The following PLXNB2 variants were observed in gnomAD, a reference collection of about 807,000 sequenced individuals.
The protein encoded by PLXNB2 is plexin-B2.
Under a neutral mutation model 202.6 loss-of-function variants are expected in PLXNB2, and 85 were observed. The observed-to-expected ratio is 0.42, with a 90% CI of 0.35 to 0.50. The LOEUF (loss-of-function observed/expected upper bound fraction) is 0.50. Ranked by LOEUF, PLXNB2 falls within the 20% of genes least tolerant of loss-of-function variation. The probability of loss-of-function intolerance (pLI) is 0.02; values close to 1 mark genes in which losing one functional copy is unlikely to be tolerated. For missense variants in PLXNB2, 2,063 were observed against 2,586.2 expected (o/e 0.80, Z 4.39); for synonymous variants, 1,239 against 1,137.6 (o/e 1.09, Z -1.79).
chr22:50,276,775 C>T, intron 34 of PLXNB2, 67 bp downstream of exon 34: 2 of 1,598,604 alleles, frequency 1.3e-6, no homozygotes, highest in Non-Finnish European at 1.7e-6. Flanking sequence ...GAAACCAAGG[C>T]CTGAACCTCC....
chr22:50,289,407 G>A lies in PLXNB2; in HGVS notation c.1068+110C>T, dbSNP rs965219630. The stretch of plus-strand genomic sequence containing the variant: ...CCCACGCAAGCGCCCAGGCTGGCGA[G>A]AGCCACGGCCACACTGCTCACGTGC... On this transcript the variant is annotated intron_variant, in intron 3 of 36. Transcript: ENST00000359337. This position sits in a 1 kb window ranked among gnomAD's most constrained non-coding sequence, Gnocchi z 8.0. 6.6e-6 allele frequency: 9 copies of A among 1,366,992 alleles called. No individual in the cohort carries two copies. In the African/African-American group the frequency reaches 7.3e-5, roughly 11 times the overall value. The allele number at this position is 1,366,992 out of a possible 1,614,324, so 84.7% of individuals were successfully genotyped here. A position where few individuals can be genotyped will look rare whatever the true frequency, so the allele number is the denominator to read the frequency against.
In PLXNB2 at chr22:50,288,487, G is replaced by A. The variant is rs538137823; in HGVS notation, c.1380+256C>T. On this transcript the variant is annotated intron_variant, in intron 5 of 36. Coordinates refer to ENST00000359337, the MANE Select transcript of PLXNB2 (RefSeq NM_012401.4). This position sits in a 1 kb window ranked among gnomAD's most constrained non-coding sequence, Gnocchi z 5.0. Reference sequence around the variant, plus strand: ...CTTCCATCAGGACAGGGCAGAGGCGGGGCCAGAGGGAGAGACATGGTTGAG... The same window carrying A: ...CTTCCATCAGGACAGGGCAGAGGCGAGGCCAGAGGGAGAGACATGGTTGAG... Among the ~76,000 whole-genome samples, 1 of 152,260 alleles carries A rather than the reference G, an allele frequency of 6.6e-6. No homozygotes were observed. Among genetic ancestry groups the A allele is most frequent in the Admixed American group, 6.5e-5 (1 of 15,300 alleles).
chr22:50,293,867 C>T (rs1193296393), intron 2 of PLXNB2, among the ~76,000 whole-genome samples: 2 of 152,234 alleles, frequency 1.3e-5, no homozygotes, highest in Admixed American at 1.3e-4. Flanking sequence ...GCTGGCACAC[C>T]CTAAGTGCTC....
At chr22:50,305,573 C>T (rs998634876) in intron 1 of PLXNB2, among the ~76,000 whole-genome samples, 1 of 152,204 alleles carries the variant, frequency 6.6e-6, no homozygotes, top group Admixed American at 6.5e-5. Context: ...GTCGGAGGGG[C>T]TTGGAGGGAG....
rs2066857754 is a variant in PLXNB2 at position 50,291,373 on chromosome 22, C to T, written c.-13-776G>A. Among the ~76,000 whole-genome samples the T allele has an allele frequency of 6.6e-6, 1 of 152,106 alleles. No individual in the cohort carries two copies. Among genetic ancestry groups the T allele is most frequent in the Non-Finnish European group, 1.5e-5 (1 of 68,006 alleles). On this transcript the variant is annotated intron_variant, in intron 2 of 36. Coordinates refer to ENST00000359337, the MANE Select transcript of PLXNB2 (RefSeq NM_012401.4). This position sits in a 1 kb window ranked among gnomAD's most constrained non-coding sequence, Gnocchi z 4.3. ...ACCAGGTCTCAGAGGCAGAGGCCCC[C>T]ACATCTGCAGCCTGGACAGGCTGTG...
At chr22:50,276,315 T>C (rs2065571054) in intron 35 of PLXNB2, among the ~76,000 whole-genome samples, 1 of 143,076 alleles carries the variant, frequency 7.0e-6, no homozygotes, top group Admixed American at 6.9e-5. Context: ...CGGCCGTGGA[T>C]GGAGCCGCAG....
Position 50,284,542 on chromosome 22 carries a change from G to C in PLXNB2, c.2181+31C>G, listed in dbSNP as rs781704306. 1.3e-6 allele frequency: 2 copies of C among 1,523,268 alleles called. No individual in the cohort carries two copies. The highest frequency in any genetic ancestry group is 3.6e-5 in the Admixed American group (2 of 55,806). 94.4% of individuals were successfully genotyped at this position (1,523,268 alleles called of 1,614,324 possible). ...ACCCCACCCGGGGCCCTGGGGTCCA[G>C]CAGCCGAGCCGGCCTGCCCTGGAGC... On this transcript the variant is annotated intron_variant, in intron 12 of 36. Transcript: ENST00000359337. This position sits in a 1 kb window ranked among gnomAD's most constrained non-coding sequence, Gnocchi z 8.0.
At chr22:50,296,417 T>A (rs2067274925) in intron 1 of PLXNB2, among the ~76,000 whole-genome samples, 1 of 145,140 alleles carries the variant, frequency 6.9e-6, no homozygotes, top group Non-Finnish European at 1.5e-5. Context: ...AAACACAAGT[T>A]TAAGATTATA....
intron 32 of PLXNB2, 27 bp from the exon 33 acceptor site, chr22:50,277,765 G>T: frequency 6.3e-7 from 1 of 1,586,512 alleles, no homozygotes; most frequent in Non-Finnish European, 8.6e-7. Context: ...GGGAATGAGA[G>T]CCGGGGCTGG....
chr22:50,286,370 G>A, intron 8 of PLXNB2, 83 bp from the exon 9 acceptor site: 3 of 971,648 alleles, frequency 3.1e-6, no homozygotes, highest in Non-Finnish European at 3.3e-6. Flanking sequence ...GCTGACTCCT[G>A]GGGCCAAGGT....
rs766214363 is a variant in PLXNB2 at position 50,284,652 on chromosome 22, T to C, written c.2102A>G (p.His701Arg). The C allele has an allele frequency of 2.7e-5, 43 of 1,612,390 alleles. No homozygotes were observed. The highest frequency in any genetic ancestry group is 3.6e-5 in the Non-Finnish European group (43 of 1,179,548). The change falls in exon 12 of 37, where the codon CAC becomes CGC. Residue 701 changes from histidine to arginine, a missense_variant. Physicochemically the swap from His to Arg is conservative, Grantham distance 29. Coordinates refer to ENST00000359337, the MANE Select transcript of PLXNB2 (RefSeq NM_012401.4). This position sits in a 1 kb window ranked among gnomAD's most constrained non-coding sequence, Gnocchi z 8.0. Reference sequence around the variant, plus strand: ...GAACTTGAGCAAGTCACTGCCCACGTGCAGGGAGGAACCCTGCAGACCATG... The same window carrying C: ...GAACTTGAGCAAGTCACTGCCCACGCGCAGGGAGGAACCCTGCAGACCATG... ...NLDTVKGSSL[H>R]VGSDLLKFME... is the part of the protein sequence containing the mutation.
rs376965540 is a variant in PLXNB2, at chr22:50,279,677, G to A, written c.4342C>T (p.Leu1448Phe). Residue 1448 changes from leucine (L) to phenylalanine (F), a missense_variant, in exon 27 of 37, where the codon CTC (leucine) becomes TTC (phenylalanine). By Grantham distance (22) the Leu-to-Phe change is conservative (BLOSUM62 0). Around this residue, in one of 2 missense-constraint regions of PLXNB2, gnomAD observed 760 missense variants for 1,109.4 expected, o/e 0.69. Transcript: ENST00000359337. Reference sequence around the variant, plus strand: ...TCCCCCAGCAGCCCCGTGTCGTTGAGAGTGTACTTGGCCTTCTTCTGTACC... The same window carrying A: ...TCCCCCAGCAGCCCCGTGTCGTTGAAAGTGTACTTGGCCTTCTTCTGTACC... ...DAVQKKAKYT[L>F]NDTGLLGDDV... 6.2e-7 allele frequency: 1 copy of A among 1,613,978 alleles called. No homozygotes were observed. The highest frequency in any genetic ancestry group is 2.2e-5 in the East Asian group (1 of 44,884).
At chr22:50,282,397 C>T in intron 18 of PLXNB2, 84 bp from the exon 19 acceptor site, 1 of 1,435,790 alleles carries the variant, frequency 7.0e-7, no homozygotes, top group Non-Finnish European at 9.4e-7. Flanking sequence ...CCACCCTGGC[C>T]CTGACCACAC....
chr22:50,283,070 G>A lies in PLXNB2; in HGVS notation c.2796C>T (p.Leu932=). 6.2e-7 allele frequency: 1 copy of A among 1,611,024 alleles called. No individual in the cohort carries two copies. The highest frequency in any genetic ancestry group is 1.3e-5 in the African/African-American group (1 of 75,030). The part of the protein sequence containing the change: ...TGSQEDVRVT[L]NGVPCKVTKF... ...CCCACACTTTACACGGGACGCCGTTGAGGGTCACCCGCACGTCCTCCTGGG... is the reference window on the plus strand; with the variant it reads ...CCCACACTTTACACGGGACGCCGTTAAGGGTCACCCGCACGTCCTCCTGGG... The change falls in exon 17 of 37, where the codon CTC becomes CTT. Residue 932 remains leucine, a synonymous_variant. Transcript: ENST00000359337.
intron 2 of PLXNB2, 89 bp from the exon 3 acceptor site, chr22:50,290,686 A>T: frequency 7.4e-7 from 1 of 1,359,916 alleles, no homozygotes; most frequent in Non-Finnish European, 9.7e-7. Flanking sequence ...ACGTCAGAAC[A>T]TGGGAGAGAG....
At position 50,284,904 on chromosome 22, in the gene PLXNB2, T is replaced by G. The variant is rs771940766; in HGVS notation, c.2089-239A>C. The G allele has an allele frequency of 5.7e-5, 37 of 643,572 alleles. 1 individual carries two copies. Among genetic ancestry groups the G allele is most frequent in the South Asian group, 5.4e-4 (36 of 66,238 alleles). 39.9% of individuals were successfully genotyped at this position (643,572 alleles called of 1,614,324 possible). A position where few individuals can be genotyped will look rare whatever the true frequency, so the allele number is the denominator to read the frequency against. ...GGTTTCCCACGGCCACCTCCACCAC[T>G]CATCCACACCTGAGAACATCGCCCG... On this transcript the variant is annotated intron_variant, in intron 11 of 36. Transcript: ENST00000359337. The surrounding 1 kb of genome is among the most constrained non-coding windows in gnomAD (Gnocchi z 8.0).
intron 1 of PLXNB2, among the ~76,000 whole-genome samples, chr22:50,304,324 C>A (rs1444789803): frequency 6.6e-6 from 1 of 152,112 alleles, no homozygotes; most frequent in South Asian, 2.1e-4. Context: ...TGGGGGGGTG[C>A]GGGGTGCCAG....
At position 50,284,427 on chromosome 22, in the gene PLXNB2, C is replaced by G; in HGVS notation, c.2181+146G>C. On this transcript the variant is annotated intron_variant, in intron 12 of 36. Coordinates refer to ENST00000359337, the MANE Select transcript of PLXNB2 (RefSeq NM_012401.4). The surrounding 1 kb of genome is among the most constrained non-coding windows in gnomAD (Gnocchi z 8.0). ...CAGAGGGCAGAGGGGGCTTCCCCAG[C>G]AGCACAGGGCATGGCGAGCCCCTGG... 1 of 727,442 alleles carries G rather than the reference C, an allele frequency of 1.4e-6. No individual in the cohort carries two copies. The highest frequency in any genetic ancestry group is 3.5e-4 in the Middle Eastern group (1 of 2,888). 45.1% of individuals were successfully genotyped at this position (727,442 alleles called of 1,614,324 possible).
chr22:50,276,789 CA>C, intron 34 of PLXNB2, 52 bp downstream of exon 34: 3 of 1,595,424 alleles, frequency 1.9e-6, no homozygotes, highest in Non-Finnish European at 2.6e-6. Flanking sequence ...AACCTCCCCG[CA>C]GGGGGTCGAG....
Sources: gnomAD v4.1 joint callset for allele counts (sites outside exome capture counted in the v4.1 genomes callset) on GRCh38, gnomAD v4.1.1 for gene constraint, gnomAD v4.1.1 regional missense constraint, Gnocchi (gnomAD v3.1) non-coding constraint, MANE v1.5 for transcripts, NCBI Gene and HGNC (gene_info 2026-07-23, HGNC 2026-07-21) for gene names.